The following SRGAP3 variants were observed in gnomAD, a reference collection of about 807,000 sequenced individuals.
SRGAP3 encodes SLIT-ROBO Rho GTPase-activating protein 3.
A neutral mutation model predicts 121.1 loss-of-function variants in SRGAP3; 39 were observed. That is an observed-to-expected ratio of 0.32 (90% CI 0.25 to 0.42). The LOEUF is 0.42. Among genes scored for constraint, SRGAP3 ranks in the 10% least tolerant of loss-of-function variants. The probability of loss-of-function intolerance (pLI) is 1.00; values close to 1 mark genes in which losing one functional copy is unlikely to be tolerated. For missense variants in SRGAP3, 1,213 were observed against 1,470.6 expected (o/e 0.82, Z 2.86); for synonymous variants, 601 against 570.0 (o/e 1.05, Z -0.77).
intron 1 of SRGAP3, among the ~76,000 whole-genome samples, chr3:9,240,600 C>T (rs1209110865): frequency 6.6e-6 from 1 of 152,176 alleles, no homozygotes; most frequent in Non-Finnish European, 1.5e-5. Context: ...ATGGTGGGCA[C>T]TACGCTACAG....
chr3:9,278,857 C>T (rs1954629472), intron 3 of SRGAP3, among the ~76,000 whole-genome samples: 2 of 152,296 alleles, frequency 1.3e-5, no homozygotes, highest in South Asian at 4.1e-4. Context: ...ATAGTTGAGG[C>T]ATGTGAACAA....
Position 9,141,383 on chromosome 3 carries a change from C to G in SRGAP3, c.68-16466G>C, listed in dbSNP as rs185470646. ...CACCATGCCGCCCAAATATTTTATG[C>G]ACATTGCGGCTACTGCATGGGATGG... On this transcript the variant is annotated intron_variant, in intron 1 of 21. Coordinates refer to ENST00000383836, the MANE Select transcript of SRGAP3 (RefSeq NM_014850.4). Among the ~76,000 whole-genome samples the G allele has an allele frequency of 1.1e-3, 171 of 152,336 alleles. 3 individuals are homozygous for G. The highest frequency in any genetic ancestry group is 3.4e-3 in the Middle Eastern group (1 of 294).
chr3:9,112,469 C>T (rs1007275818), intron 2 of SRGAP3, among the ~76,000 whole-genome samples: 1 of 152,224 alleles, frequency 6.6e-6, no homozygotes, highest in Non-Finnish European at 1.5e-5. Flanking sequence ...CAAAATGAGC[C>T]ACACTTCCCA....
At chr3:9,269,616 C>T (rs190423719) in intron 3 of SRGAP3, among the ~76,000 whole-genome samples, 3 of 152,332 alleles carry the variant, frequency 2.0e-5, no homozygotes, top group Admixed American at 2.0e-4. Context: ...CACCCAGAAA[C>T]ATTTCCAGCA....
intron 4 of SRGAP3, among the ~76,000 whole-genome samples, chr3:9,076,086 A>T (rs1342034933): frequency 1.3e-5 from 2 of 152,166 alleles, no homozygotes; most frequent in African/African-American, 4.8e-5. Context: ...GAAGCTTGAA[A>T]AGTGCTTGCA....
At chr3:9,322,972 G>A (rs1955461761) in intron 3 of SRGAP3, among the ~76,000 whole-genome samples, 1 of 151,734 alleles carries the variant, frequency 6.6e-6, no homozygotes, top group Non-Finnish European at 1.5e-5. Context: ...TCACACTATG[G>A]AATATGACTC....
chr3:8,998,049 T>C (rs1285350093), intron 18 of SRGAP3, among the ~76,000 whole-genome samples: 2 of 152,122 alleles, frequency 1.3e-5, no homozygotes, highest in African/African-American at 2.4e-5. Flanking sequence ...GCCCAGCTAA[T>C]TTTTTAAGTT....
At chr3:9,230,362 T>G (rs1486683359) in intron 1 of SRGAP3, among the ~76,000 whole-genome samples, 4 of 152,206 alleles carry the variant, frequency 2.6e-5, no homozygotes, top group African/African-American at 4.8e-5. Context: ...CTTGGTTTCC[T>G]GACATTCTCA....
At chr3:9,054,514 C>T (rs766186335) in intron 8 of SRGAP3, among the ~76,000 whole-genome samples, 1 of 152,230 alleles carries the variant, frequency 6.6e-6, no homozygotes, top group Admixed American at 6.5e-5. Flanking sequence ...CCAGACCAAA[C>T]CAAATACAAC....
chr3:9,146,768 G>A (rs1950037518), intron 1 of SRGAP3, among the ~76,000 whole-genome samples: 1 of 152,162 alleles, frequency 6.6e-6, no homozygotes, highest in African/African-American at 2.4e-5. Flanking sequence ...AGAGGAGCGG[G>A]AACCCCACAA....
At chr3:9,154,558 A>G (rs1326807782) in intron 1 of SRGAP3, among the ~76,000 whole-genome samples, 3 of 151,970 alleles carry the variant, frequency 2.0e-5, no homozygotes, top group Admixed American at 6.6e-5. Flanking sequence ...CCTTCCTTCA[A>G]TTCCCAGTAT....
At chr3:9,143,256 C>T (rs1949920138) in intron 1 of SRGAP3, among the ~76,000 whole-genome samples, 3 of 152,214 alleles carry the variant, frequency 2.0e-5, no homozygotes, top group African/African-American at 7.2e-5. Flanking sequence ...ATCCAGATCA[C>T]AGGGAGATGA....
chr3:9,308,671 C>G (rs909454345), intron 3 of SRGAP3, among the ~76,000 whole-genome samples: 1 of 152,118 alleles, frequency 6.6e-6, no homozygotes, highest in Non-Finnish European at 1.5e-5. Flanking sequence ...TGCACAGCAC[C>G]TTAAATAAGA....
chr3:9,259,064 C>G (rs944187407), intron 3 of SRGAP3, among the ~76,000 whole-genome samples: 2 of 152,222 alleles, frequency 1.3e-5, no homozygotes, highest in African/African-American at 4.8e-5. Flanking sequence ...TACTCCGGGC[C>G]ATGCTTGGCC....
intron 4 of SRGAP3, among the ~76,000 whole-genome samples, chr3:9,076,256 G>A (rs1339596624): frequency 2.0e-5 from 3 of 152,190 alleles, no homozygotes; most frequent in Non-Finnish European, 2.9e-5. Flanking sequence ...TTTCGAGGTA[G>A]TTTGTTACAC....
chr3:9,283,191 CT>C (rs1040926391), intron 3 of SRGAP3, among the ~76,000 whole-genome samples: 11 of 152,138 alleles, frequency 7.2e-5, no homozygotes, highest in African/African-American at 2.7e-4. Flanking sequence ...TCCACCCCCC[CT>C]CGGCCTCCCA....
intron 14 of SRGAP3, among the ~76,000 whole-genome samples, chr3:9,018,315 T>A (rs1943740264): frequency 6.6e-6 from 1 of 152,202 alleles, no homozygotes; most frequent in Non-Finnish European, 1.5e-5. Flanking sequence ...GCAGTAAACG[T>A]GGGAGTGCAG....
Position 9,257,126 on chromosome 3 carries a change from A to G in SRGAP3, n.442+68884T>C, listed in dbSNP as rs1954147181. 1.2e-5 allele frequency: 4 copies of G among 339,744 alleles called. No individual in the cohort carries two copies. The Admixed American group carries it at 1.4e-4, about 12-fold the overall frequency. The allele number at this position is 339,744 out of a possible 1,614,324, so 21.0% of individuals were successfully genotyped here. On this transcript the variant is annotated intron_variant and non_coding_transcript_variant, in intron 3 of 3. Coordinates refer to the SRGAP3 transcript ENST00000490889. ...TATTGCCCCTATGAAAGCCCAACACAAAATAATTTACACCTTATATTTTTT... is the reference window on the plus strand; with the variant it reads ...TATTGCCCCTATGAAAGCCCAACACGAAATAATTTACACCTTATATTTTTT...
chr3:9,144,510 C>T (rs1166506735), intron 1 of SRGAP3, among the ~76,000 whole-genome samples: 2 of 152,202 alleles, frequency 1.3e-5, no homozygotes, highest in African/African-American at 4.8e-5. Context: ...CCAGAATTCC[C>T]ACATGTTGTG....
Sources: allele counts gnomAD v4.1 joint callset (sites outside exome capture counted in the v4.1 genomes callset), GRCh38; gene constraint gnomAD v4.1.1; transcripts MANE v1.5; gene names NCBI Gene and HGNC (gene_info 2026-07-23, HGNC 2026-07-21).